Variants in UBN2 observed in about 807,000 individuals in gnomAD.
UBN2 encodes the protein ubinuclein 2.
Under a neutral mutation model 120.2 loss-of-function variants are expected in UBN2, and 35 were observed. That is an observed-to-expected ratio of 0.29 (90% confidence interval 0.22 to 0.39). The LOEUF (loss-of-function observed/expected upper bound fraction) is 0.39, where lower values mean the gene tolerates loss of function less well. Among genes scored for constraint, UBN2 ranks in the 10% least tolerant of loss-of-function variants. The pLI is 1.00. For missense variants in UBN2, 1,693 were observed against 1,663.2 expected, an observed-to-expected ratio of 1.02 and a Z score of -0.31; for synonymous variants, 661 against 648.7, an observed-to-expected ratio of 1.02 and a Z score of -0.29.
Position 139,306,395 on chromosome 7 carries a change from A to G in UBN2, c.*8559A>G, listed in dbSNP as rs546300635. The G allele has an allele frequency of 6.6e-6, 1 of 152,348 alleles. No individual in the cohort carries two copies. The highest frequency in any genetic ancestry group is 1.9e-4 in the East Asian group (1 of 5,192). 9.4% of individuals were successfully genotyped at this position (152,348 alleles called of 1,614,324 possible). Reference sequence around the variant, plus strand: ...CAAAATTACCAAGGGTTACCCCAATATTGTCTAGAGGAATTAAAAAGAACT... The same window carrying G: ...CAAAATTACCAAGGGTTACCCCAATGTTGTCTAGAGGAATTAAAAAGAACT... On this transcript the variant is annotated 3_prime_UTR_variant, in exon 18 of 18. Coordinates refer to ENST00000473989, the MANE Select transcript of UBN2 (RefSeq NM_173569.4).
rs891938697 is a variant in UBN2, at chr7:139,307,230, C to T, written c.*9394C>T. The T allele has an allele frequency of 2.6e-5, 4 of 152,146 alleles. No homozygotes were observed. The South Asian group carries it at 8.3e-4, about 31-fold the overall frequency. The allele number at this position is 152,146 out of a possible 1,614,324, so 9.4% of individuals were successfully genotyped here. On this transcript the variant is annotated 3_prime_UTR_variant, in exon 18 of 18. Coordinates refer to ENST00000473989, the MANE Select transcript of UBN2 (RefSeq NM_173569.4). ...GTGAAAGACAAGAATTACTGTATTG[C>T]ATTTGCTTATAGGGAGGTGTGTTTT...
At chr7:139,271,962 C>A (rs1292223737) in intron 8 of UBN2, among the ~76,000 whole-genome samples, 4 of 152,150 alleles carry the variant, frequency 2.6e-5, no homozygotes, top group Non-Finnish European at 4.4e-5. Context: ...TTTCCCATCA[C>A]AATGGAAATT....
chr7:139,289,839 T>C (rs560932278), intron 15 of UBN2, among the ~76,000 whole-genome samples: 2 of 152,182 alleles, frequency 1.3e-5, no homozygotes, highest in African/African-American at 2.4e-5. Context: ...CCTTGGAGAC[T>C]CTTTATCATC....
At chr7:139,235,000 G>A (rs577832695) in intron 1 of UBN2, among the ~76,000 whole-genome samples, 69 of 152,070 alleles carry the variant, frequency 4.5e-4, no homozygotes, top group Admixed American at 8.5e-4. Context: ...TTGGGGGAGG[G>A]TGTTTATTCT....
intron 3 of UBN2, among the ~76,000 whole-genome samples, chr7:139,257,671 C>G (rs992630019): frequency 3.3e-5 from 5 of 152,154 alleles, no homozygotes; most frequent in South Asian, 4.1e-4. Context: ...CTGCCTTGGC[C>G]TCCCAAAGTG....
At chr7:139,248,643 A>AT (rs1414979315) in intron 2 of UBN2, among the ~76,000 whole-genome samples, 1 of 151,978 alleles carries the variant, frequency 6.6e-6, no homozygotes, top group Non-Finnish European at 1.5e-5. Context: ...TACCTCATCT[A>AT]TTTTAACTCC....
At position 139,237,592 on chromosome 7, in the gene UBN2, G is replaced by A. The variant is rs544593638; in HGVS notation, c.561+495G>A. 1.1e-4 allele frequency among the ~76,000 whole-genome samples: 17 copies of A among 152,266 alleles called. No homozygotes were observed. The South Asian group carries it at 3.3e-3, about 30-fold the overall frequency. The stretch of plus-strand genomic sequence containing the variant: ...AGTCTTTCTAGAGTCTGGGCGGTTT[G>A]CTTTACATATATTATCTCCAATCTT... On this transcript the variant is annotated intron_variant, in intron 2 of 17. Transcript: ENST00000473989.
At chr7:139,242,647 G>A (rs767367114) in intron 2 of UBN2, among the ~76,000 whole-genome samples, 3 of 152,212 alleles carry the variant, frequency 2.0e-5, no homozygotes, top group Admixed American at 2.0e-4. Context: ...ATCACTTGCT[G>A]TGACATGCCC....
chr7:139,321,240 C>T, the UBN2 span, among the ~76,000 whole-genome samples: 1 of 152,166 alleles, frequency 6.6e-6, no homozygotes, highest in Non-Finnish European at 1.5e-5. Flanking sequence ...GCTTGGCATC[C>T]ACGTCCTGGC....
chr7:139,243,495 G>A (rs1481768630), intron 2 of UBN2, among the ~76,000 whole-genome samples: 1 of 152,192 alleles, frequency 6.6e-6, no homozygotes, highest in African/African-American at 2.4e-5. Context: ...CTTTGCCAAT[G>A]TAACTTGAGT....
At chr7:139,315,507 G>A in the UBN2 span, 1 of 152,024 alleles carries the variant, frequency 6.6e-6, no homozygotes, top group African/African-American at 2.4e-5. Context: ...ATATCTCATT[G>A]TATGGATATG....
chr7:139,233,441 A>G (rs540375042), intron 1 of UBN2, among the ~76,000 whole-genome samples: 47 of 152,302 alleles, frequency 3.1e-4, no homozygotes, highest in African/African-American at 1.0e-3. Context: ...TTATCTTTGG[A>G]TAAAAATACA....
intron 15 of UBN2, among the ~76,000 whole-genome samples, chr7:139,290,177 G>A (rs1456250301): frequency 1.3e-5 from 2 of 151,860 alleles, no homozygotes; most frequent in East Asian, 1.9e-4. Flanking sequence ...CTCATGATCC[G>A]CCCACCTTGG....
At position 139,284,448 on chromosome 7, in the gene UBN2, C is replaced by T. The variant is rs776506816; in HGVS notation, c.3543C>T (p.Ser1181=). ...GCAGAGGTAGCAACCTTAACTCAAG[C>T]GGAGCTAATAGGACTAGTCTGTCTG... ...PASRGSNLNS[S]GANRTSLSGG... is the part of the protein sequence containing the mutation. The change falls in exon 15 of 18, where the codon AGC becomes AGT. Residue 1181 remains serine (S), a synonymous_variant. Coordinates refer to ENST00000473989, the MANE Select transcript of UBN2 (RefSeq NM_173569.4). 14 of 1,614,138 alleles carry T rather than the reference C, an allele frequency of 8.7e-6. No individual in the cohort carries two copies. The Middle Eastern group carries it at 4.9e-4, about 57-fold the overall frequency.
chr7:139,269,842 C>T (rs1036987704), intron 8 of UBN2, among the ~76,000 whole-genome samples: 2 of 151,894 alleles, frequency 1.3e-5, no homozygotes, highest in African/African-American at 2.4e-5. Flanking sequence ...GGTCTTGCCC[C>T]GTTGCCCAGG....
intron 17 of UBN2, among the ~76,000 whole-genome samples, chr7:139,295,121 A>T (rs1203318694): frequency 6.7e-6 from 1 of 150,360 alleles, no homozygotes; most frequent in East Asian, 1.9e-4. Flanking sequence ...TGCATTAAAA[A>T]TGACCTTTGA....
Position 139,283,130 on chromosome 7 carries a change from G to T in UBN2, c.2225G>T (p.Ser742Ile), listed in dbSNP as rs750334244. The change falls in exon 15 of 18, where the codon AGC becomes ATC. Residue 742 changes from serine (S) to isoleucine (I), a missense_variant. Transcript: ENST00000473989. Reference sequence around the variant, plus strand: ...GCTGCCATTGCTGCAGCTAGCTCTAGCTCTGCACCAGCCCAAGAAACCATC... The same window carrying T: ...GCTGCCATTGCTGCAGCTAGCTCTATCTCTGCACCAGCCCAAGAAACCATC... ...STAAIAAASSSSAPAQETICL... is the reference protein window; with the variant it reads ...STAAIAAASSISAPAQETICL... 2.5e-6 allele frequency: 4 copies of T among 1,612,624 alleles called. No homozygotes were observed. Among genetic ancestry groups the T allele is most frequent in the East Asian group, 2.2e-5 (1 of 44,856 alleles).
chr7:139,314,436 G>A, the UBN2 span, among the ~76,000 whole-genome samples: 3 of 151,804 alleles, frequency 2.0e-5, no homozygotes, highest in African/African-American at 4.8e-5. Context: ...TCCAGCCTGG[G>A]CGACAAAGAG....
chr7:139,241,902 G>T (rs557998614), intron 2 of UBN2, among the ~76,000 whole-genome samples: 1 of 152,210 alleles, frequency 6.6e-6, no homozygotes, highest in African/African-American at 2.4e-5. Context: ...GGAGACTGAG[G>T]CAGGAGAATC....
Sources: gnomAD v4.1 joint callset for allele counts (sites outside exome capture counted in the v4.1 genomes callset) on GRCh38, gnomAD v4.1.1 for gene constraint, MANE v1.5 for transcripts, NCBI Gene and HGNC (gene_info 2026-07-23, HGNC 2026-07-21) for gene names.